The following CACNA1A variants were observed in gnomAD, a reference collection of about 807,000 sequenced individuals.
CACNA1A encodes the protein calcium voltage-gated channel subunit alpha1 A.
CACNA1A carries 57 observed loss-of-function variants against 262.4 expected under a neutral mutation model. The observed-to-expected ratio is 0.22, with a 90% CI of 0.18 to 0.27. The LOEUF (loss-of-function observed/expected upper bound fraction) is 0.27. CACNA1A is among the 10% of genes least tolerant of loss of function. CACNA1A has a pLI of 1.00. For synonymous variants in CACNA1A, 1,431 were observed against 1,419.3 expected, an observed-to-expected ratio of 1.01 and a Z score of -0.18; for missense variants, 2,526 against 3,562.8, an observed-to-expected ratio of 0.71 and a Z score of 7.41.
chr19:13,207,411 C>T lies in CACNA1A; in HGVS notation c.7423G>A (p.Gly2475Ser), dbSNP rs1315508107. The T allele has an allele frequency of 2.6e-6, 4 of 1,532,878 alleles. No homozygotes were observed. The highest frequency in any genetic ancestry group is 2.6e-6 in the Non-Finnish European group (3 of 1,145,148). 95.0% of individuals were successfully genotyped at this position (1,532,878 alleles called of 1,614,324 possible). Reference sequence around the variant, plus strand: ...GCCAGTCCGTGCGCCGGGTAGTAGCCGTTGGGGAGTCGCCGGCCGTGCCGA... The same window carrying T: ...GCCAGTCCGTGCGCCGGGTAGTAGCTGTTGGGGAGTCGCCGGCCGTGCCGA... ...PSRHGRRLPN[G>S]YYPAHGLARP... Residue 2475 changes from glycine to serine, a missense_variant, in exon 47 of 47, where the codon GGC becomes AGC. Gly to Ser is a moderately conservative substitution (Grantham distance 56). Around this residue, in one of 17 missense-constraint regions of CACNA1A, gnomAD observed 929 missense variants for 868.1 expected, o/e 1.07. Transcript: ENST00000360228. The surrounding 1 kb of genome is among the most constrained non-coding windows in gnomAD (Gnocchi z 5.7).
chr19:13,265,316 A>T (rs978134452), intron 24 of CACNA1A, among the ~76,000 whole-genome samples: 5 of 152,246 alleles, frequency 3.3e-5, no homozygotes, highest in Admixed American at 1.3e-4. Flanking sequence ...CTCCCAGGTC[A>T]TGAGCAGAGC....
chr19:13,397,098 T>C (rs1309903393), intron 3 of CACNA1A, among the ~76,000 whole-genome samples: 1 of 152,132 alleles, frequency 6.6e-6, no homozygotes. Context: ...AGTTAATTCT[T>C]TTTCCTGTTA....
At chr19:13,256,493 T>G (rs887098218) in intron 28 of CACNA1A, 1 of 152,064 alleles carries the variant, frequency 6.6e-6, no homozygotes, top group Non-Finnish European at 1.5e-5. Flanking sequence ...TGGATTTTCT[T>G]TCCTTTTCTT....
At chr19:13,252,964 T>G (rs754613686) in intron 30 of CACNA1A, 27 bp downstream of exon 30, 1 of 1,481,478 alleles carries the variant, frequency 6.8e-7, no homozygotes, top group Admixed American at 1.7e-5. Context: ...CCCAAGCCCA[T>G]AGCTGTAGCC....
At chr19:13,451,274 A>C (rs1346328230) in intron 3 of CACNA1A, 1 of 152,360 alleles carries the variant, frequency 6.6e-6, no homozygotes, top group Non-Finnish European at 1.5e-5. Flanking sequence ...GAGCCCGGCC[A>C]GCACAGTGTG....
rs1443223049 is a variant in CACNA1A at position 13,206,545 on chromosome 19, A to AT, written c.*767_*768insA. On this transcript the variant is annotated 3_prime_UTR_variant, in exon 47 of 47. Coordinates refer to ENST00000360228, the MANE Select transcript of CACNA1A (RefSeq NM_001127222.2). ...AAACAAGGTAGGAAAAAAGGAAAAA[A>AT]GAAGCAAAGGAATCGGTGGTGATGG... 7 of 153,802 alleles carry AT rather than the reference A, an allele frequency of 4.6e-5. No homozygotes were observed. The South Asian group carries it at 1.2e-3, about 27-fold the overall frequency. 9.5% of individuals were successfully genotyped at this position (153,802 alleles called of 1,614,324 possible).
intron 6 of CACNA1A, among the ~76,000 whole-genome samples, chr19:13,343,694 A>T (rs1568554079): frequency 6.6e-6 from 1 of 152,168 alleles, no homozygotes; most frequent in Non-Finnish European, 1.5e-5. Flanking sequence ...AAATGATGCA[A>T]ATATATGGAT....
chr19:13,440,984 T>C (rs577871281), intron 3 of CACNA1A, among the ~76,000 whole-genome samples: 1 of 152,276 alleles, frequency 6.6e-6, no homozygotes, highest in African/African-American at 2.4e-5. Flanking sequence ...TTTTGCTTTG[T>C]TTTGTTTTTG....
At chr19:13,326,565 TGTTTGAGGCCAGGA>T (rs1357956261) in intron 10 of CACNA1A, among the ~76,000 whole-genome samples, 2 of 151,468 alleles carry the variant, frequency 1.3e-5, no homozygotes, top group Non-Finnish European at 1.5e-5. Flanking sequence ...GTAGGAGGAT[TGTTTGAGGCCAGGA>T]GTTTGAGACC....
At chr19:13,296,918 T>A (rs925978674) in intron 19 of CACNA1A, among the ~76,000 whole-genome samples, 9 of 151,820 alleles carry the variant, frequency 5.9e-5, no homozygotes, top group African/African-American at 1.9e-4. Flanking sequence ...TGCCACCACA[T>A]CTGTTTAATT....
At chr19:13,466,489 C>T (rs1423334976) in intron 1 of CACNA1A, among the ~76,000 whole-genome samples, 1 of 151,810 alleles carries the variant, frequency 6.6e-6, no homozygotes, top group African/African-American at 2.4e-5. Flanking sequence ...TGCAGGCACC[C>T]ACCACCATAC....
At position 13,268,893 on chromosome 19, in the gene CACNA1A, CTTTT is replaced by C. The variant is rs3050832; in HGVS notation, c.3990-6064_3990-6061del. ...CATACGTAGAATCATATAGATTCTA[CTTTT>C]TTTTTTTTTTTTTTTTTTTTTGATG... On this transcript the variant is annotated intron_variant, in intron 24 of 46. Coordinates refer to ENST00000360228, the MANE Select transcript of CACNA1A (RefSeq NM_001127222.2). Among the ~76,000 whole-genome samples the C allele has an allele frequency of 1.9e-4, 20 of 107,944 alleles. 1 individual carries two copies. The highest frequency in any genetic ancestry group is 3.9e-4 in the African/African-American group (11 of 27,852). The allele number at this position is 107,944 out of a possible 152,430, so 70.8% of individuals were successfully genotyped here.
At chr19:13,240,697 CTG>C (rs771974150) in intron 31 of CACNA1A, among the ~76,000 whole-genome samples, 60 of 147,694 alleles carry the variant, frequency 4.1e-4, no homozygotes, top group African/African-American at 1.4e-3. Context: ...TGTGCAGTGA[CTG>C]TGTGTGCATA....
chr19:13,286,523 A>AGGG lies in CACNA1A; in HGVS notation c.3530_3532dup (p.Pro1177dup). On this transcript the variant is annotated inframe_insertion, in exon 20 of 47. Coordinates refer to ENST00000360228, the MANE Select transcript of CACNA1A (RefSeq NM_001127222.2). ...CTCACCTTGTACGACGGTGTGGTTG[A>AGGG]GGGGGGGTGGGCAGGCTGGGGGGAT... 1.0e-6 allele frequency: 1 copy of AGGG among 980,886 alleles called. No homozygotes were observed. The highest frequency in any genetic ancestry group is 1.5e-6 in the Non-Finnish European group (1 of 686,996). The allele number at this position is 980,886 out of a possible 1,614,324, so 60.8% of individuals were successfully genotyped here.
chr19:13,474,449 C>A (rs2067615589), intron 1 of CACNA1A, among the ~76,000 whole-genome samples: 1 of 152,156 alleles, frequency 6.6e-6, no homozygotes, highest in Non-Finnish European at 1.5e-5. Context: ...ATTATAAACT[C>A]CCTGGTGGGG....
chr19:13,332,852 G>A lies in CACNA1A; in HGVS notation c.1255+17C>T, dbSNP rs1472687547. The stretch of plus-strand genomic sequence containing the variant: ...CTCCCCTGGGACCCACCCCTGAGGT[G>A]GGTTTAGAGCAGTTACCATCAAAGG... On this transcript the variant is annotated intron_variant, in intron 9 of 46. Coordinates refer to ENST00000360228, the MANE Select transcript of CACNA1A (RefSeq NM_001127222.2). 3 of 1,590,120 alleles carry A rather than the reference G, an allele frequency of 1.9e-6. No homozygotes were observed. The highest frequency in any genetic ancestry group is 2.6e-6 in the Non-Finnish European group (3 of 1,158,818).
chr19:13,282,210 G>C (rs1313789161), intron 22 of CACNA1A, among the ~76,000 whole-genome samples: 2 of 152,236 alleles, frequency 1.3e-5, no homozygotes, highest in African/African-American at 2.4e-5. Context: ...GTAAGCTGTG[G>C]GCGGGCTTGA....
At chr19:13,288,730 C>T (rs1288655847) in intron 19 of CACNA1A, among the ~76,000 whole-genome samples, 1 of 152,136 alleles carries the variant, frequency 6.6e-6, no homozygotes, top group Non-Finnish European at 1.5e-5. Flanking sequence ...TTCTGGACTA[C>T]AGACCCCTGG....
At chr19:13,409,986 C>T (rs866353161) in intron 3 of CACNA1A, among the ~76,000 whole-genome samples, 11 of 152,258 alleles carry the variant, frequency 7.2e-5, no homozygotes, top group Middle Eastern at 3.4e-3. Flanking sequence ...TTTCCACAAG[C>T]AACCACCACT....
Sources: gnomAD v4.1 joint callset for allele counts (sites outside exome capture counted in the v4.1 genomes callset) on GRCh38, gnomAD v4.1.1 for gene constraint, gnomAD v4.1.1 regional missense constraint, Gnocchi (gnomAD v3.1) non-coding constraint, MANE v1.5 for transcripts, NCBI Gene and HGNC (gene_info 2026-07-23, HGNC 2026-07-21) for gene names.